The following CDK12 variants were observed in gnomAD, a reference collection of about 807,000 sequenced individuals.
The protein encoded by CDK12 is cyclin dependent kinase 12.
CDK12 carries 17 observed loss-of-function variants against 133.8 expected under a neutral mutation model. The ratio of observed to expected loss-of-function variants is 0.13; its 90% CI spans 0.09 to 0.19. The LOEUF (loss-of-function observed/expected upper bound fraction) is 0.19, where lower values mean the gene tolerates loss of function less well. Ranked by LOEUF, CDK12 falls within the 10% of genes least tolerant of loss-of-function variation. The probability of loss-of-function intolerance (pLI) is 1.00; values close to 1 mark genes in which losing one functional copy is unlikely to be tolerated. For synonymous variants in CDK12, 694 were observed against 683.6 expected, an observed-to-expected ratio of 1.02 and a Z score of -0.24; for missense variants, 1,508 against 1,818.7, an observed-to-expected ratio of 0.83 and a Z score of 3.11.
intron 2 of CDK12, among the ~76,000 whole-genome samples, chr17:39,478,097 A>G (rs1380357183): frequency 4.2e-5 from 5 of 119,708 alleles, no homozygotes; most frequent in South Asian, 2.5e-4. Context: ...GGGTCTTGCT[A>G]TGTTGCCCAG....
At chr17:39,482,565 AG>A (rs1320480876) in intron 2 of CDK12, among the ~76,000 whole-genome samples, 2 of 121,260 alleles carry the variant, frequency 1.6e-5, no homozygotes, top group East Asian at 5.5e-4. Context: ...TTACGGTTTT[AG>A]TGTATGTGCT....
At chr17:39,486,026 C>T (rs1249697701) in intron 2 of CDK12, among the ~76,000 whole-genome samples, 8 of 149,766 alleles carry the variant, frequency 5.3e-5, no homozygotes, top group African/African-American at 2.0e-4. Flanking sequence ...GATCTTGGCT[C>T]ACTGCAACCT....
intron 2 of CDK12, among the ~76,000 whole-genome samples, chr17:39,486,546 A>G (rs2051148443): frequency 2.0e-5 from 3 of 152,076 alleles, no homozygotes; most frequent in Admixed American, 2.0e-4. Flanking sequence ...GATTACAGGC[A>G]TGAGTCACCA....
rs1316596403 is a variant in CDK12, at chr17:39,509,721, G to T, written c.2626G>T (p.Ala876Ser). The T allele has an allele frequency of 6.2e-7, 1 of 1,612,976 alleles. No individual in the cohort carries two copies. ...GTTTTACAGTGGGCAAATCAAACTAGCAGATTTTGGACTTGCTCGGCTCTA... is the reference window on the plus strand; with the variant it reads ...GTTTTACAGTGGGCAAATCAAACTATCAGATTTTGGACTTGCTCGGCTCTA... ...LLNNSGQIKLADFGLARLYNS... is the reference protein window; with the variant it reads ...LLNNSGQIKLSDFGLARLYNS... Residue 876 changes from alanine (A) to serine (S), a missense_variant, in exon 7 of 14, where the codon GCA becomes TCA. Physicochemically the swap from Ala to Ser is moderately conservative, Grantham distance 99 (BLOSUM62 1). Around this residue, in one of 9 missense-constraint regions of CDK12, gnomAD observed 82 missense variants for 201.5 expected, o/e 0.41. Transcript: ENST00000447079.
intron 2 of CDK12, among the ~76,000 whole-genome samples, chr17:39,554,443 C>T (rs1031688104): frequency 8.5e-5 from 13 of 152,102 alleles, no homozygotes; most frequent in African/African-American, 2.7e-4. Flanking sequence ...CAGTATGCAT[C>T]GTCTCCATTT....
In CDK12 at chr17:39,484,439, C is replaced by G. The variant is rs570837668; in HGVS notation, c.1932-6118C>G. On this transcript the variant is annotated intron_variant, in intron 2 of 13. Coordinates refer to ENST00000447079, the MANE Select transcript of CDK12 (RefSeq NM_016507.4). ...TATCTGCTCCCCTATGATAGACTCA[C>G]TTTGCATGTACCACATGTCCGCAAC... Among the ~76,000 whole-genome samples the G allele has an allele frequency of 3.9e-5, 6 of 152,248 alleles. No homozygotes were observed. In the East Asian group the frequency reaches 1.2e-3, roughly 29 times the overall value.
At chr17:39,494,148 A>C (rs1390086094) in intron 4 of CDK12, among the ~76,000 whole-genome samples, 1 of 152,102 alleles carries the variant, frequency 6.6e-6, no homozygotes, top group Non-Finnish European at 1.5e-5. Flanking sequence ...ACCTCTGCTC[A>C]CCGCAACCTC....
At chr17:39,493,885 A>C (rs1249775814) in intron 4 of CDK12, among the ~76,000 whole-genome samples, 1 of 151,778 alleles carries the variant, frequency 6.6e-6, no homozygotes, top group Non-Finnish European at 1.5e-5. Flanking sequence ...AGTCCCAGCT[A>C]CTCAGGAGGC....
chr17:39,518,419 A>G (rs2053948334), intron 10 of CDK12, among the ~76,000 whole-genome samples: 1 of 151,408 alleles, frequency 6.6e-6, no homozygotes, highest in Non-Finnish European at 1.5e-5. Context: ...TTCCTGCCTC[A>G]GCCCCCCAAA....
At chr17:39,496,682 CAA>C (rs1033887360) in intron 5 of CDK12, among the ~76,000 whole-genome samples, 10 of 151,992 alleles carry the variant, frequency 6.6e-5, no homozygotes, top group South Asian at 2.1e-4. Context: ...GCCTGGGTGA[CAA>C]GAGCAAAACT....
downstream of CDK12, among the ~76,000 whole-genome samples, chr17:39,539,522 A>G (rs1005589800): frequency 1.3e-5 from 2 of 152,162 alleles, no homozygotes; most frequent in Non-Finnish European, 2.9e-5. Context: ...TAGTTATACC[A>G]TGAGGGCTGC....
chr17:39,490,370 A>T (rs1173338958), intron 2 of CDK12, among the ~76,000 whole-genome samples, 187 bp from the exon 3 acceptor site: 3 of 152,038 alleles, frequency 2.0e-5, no homozygotes, highest in African/African-American at 7.3e-5. Flanking sequence ...CTGTCTCAAA[A>T]AAAAAAGAAA....
intron 5 of CDK12, among the ~76,000 whole-genome samples, chr17:39,495,156 G>A (rs917166132): frequency 1.3e-5 from 2 of 152,072 alleles, no homozygotes; most frequent in Non-Finnish European, 2.9e-5. Context: ...TCGGCTCACT[G>A]CAGCCTCTGC....
rs769376098 is a variant in CDK12 at position 39,501,238 on chromosome 17, G to A, written c.2420-12G>A. 5.5e-5 allele frequency: 80 copies of A among 1,446,606 alleles called. No homozygotes were observed. Among genetic ancestry groups the A allele is most frequent in the East Asian group, 4.1e-4 (16 of 38,848 alleles). The allele number at this position is 1,446,606 out of a possible 1,614,324, so 89.6% of individuals were successfully genotyped here. A position where few individuals can be genotyped will look rare whatever the true frequency, so the allele number is the denominator to read the frequency against. ...TTTTTCTTGCTTTTAATTTTTTTTC[G>A]TCTTTATGTAGGTGCCTTTTACCTT... is the stretch of plus-strand genomic sequence containing the variant. On this transcript the variant is annotated splice_polypyrimidine_tract_variant and intron_variant, in intron 5 of 13. Coordinates refer to ENST00000447079, the MANE Select transcript of CDK12 (RefSeq NM_016507.4).
At chr17:39,505,045 A>G (rs117918195) in intron 6 of CDK12, among the ~76,000 whole-genome samples, 1,599 of 151,364 alleles carry the variant, frequency 0.011, 77 homozygotes, top group Admixed American at 0.085. Context: ...CTTGTCCAAC[A>G]TGGTAAAACC....
intron 2 of CDK12, among the ~76,000 whole-genome samples, chr17:39,553,753 A>G (rs35335692): frequency 0.63 from 95,804 of 152,176 alleles, 32,918 homozygotes; most frequent in South Asian, 0.89. Flanking sequence ...AAAGAGGGAG[A>G]AGGCTGCTGG....
upstream of CDK12, among the ~76,000 whole-genome samples, chr17:39,543,354 A>C (rs932254517): frequency 6.6e-6 from 1 of 152,218 alleles, no homozygotes; most frequent in African/African-American, 2.4e-5. Context: ...AAGTCATCTC[A>C]GTCTGGTGCC....
At chr17:39,547,427 C>T (rs905191578), upstream of CDK12, among the ~76,000 whole-genome samples, 4 of 152,132 alleles carry the variant, frequency 2.6e-5, no homozygotes, top group Non-Finnish European at 4.4e-5. Flanking sequence ...TGAGCCACTG[C>T]GCCTGGCCTA....
downstream of CDK12, among the ~76,000 whole-genome samples, chr17:39,565,153 G>A (rs556476917): frequency 3.9e-5 from 6 of 152,134 alleles, no homozygotes; most frequent in South Asian, 2.1e-4. Flanking sequence ...TCGCTCTGTC[G>A]CCCAGGCTGG....
Sources: gnomAD v4.1 joint callset for allele counts (sites outside exome capture counted in the v4.1 genomes callset) on GRCh38, gnomAD v4.1.1 for gene constraint, gnomAD v4.1.1 regional missense constraint, MANE v1.5 for transcripts, NCBI Gene and HGNC (gene_info 2026-07-23, HGNC 2026-07-21) for gene names.